TGIF2: variants seen among roughly 807,000 people sequenced by gnomAD.
TGIF2 encodes homeobox protein TGIF2.
In TGIF2, 5 loss-of-function variants were observed where a neutral mutation model predicts 15.1. That is an observed-to-expected ratio of 0.33 (90% CI 0.17 to 0.70). The LOEUF (loss-of-function observed/expected upper bound fraction) is 0.70, where lower values mean the gene tolerates loss of function less well. Among genes scored for constraint, TGIF2 ranks in the 30% least tolerant of loss-of-function variants. The probability of loss-of-function intolerance (pLI) is 0.67; values close to 1 mark genes in which losing one functional copy is unlikely to be tolerated. For missense variants in TGIF2, 264 were observed against 302.5 expected, an observed-to-expected ratio of 0.87 and a Z score of 0.94; for synonymous variants, 131 against 128.9, an observed-to-expected ratio of 1.02 and a Z score of -0.11.
At chr20:36,578,678 TGGAGACTA>T in intron 1 of TGIF2, 55 bp from the exon 2 acceptor site, 2 of 1,485,966 alleles carry the variant, frequency 1.3e-6, no homozygotes, top group Non-Finnish European at 1.8e-6. Context: ...TGAGCATGTT[TGGAGACTA>T]GGAAAAGGCG....
intron 2 of TGIF2, among the ~76,000 whole-genome samples, chr20:36,589,167 A>T (rs1179727195): frequency 1.3e-5 from 2 of 152,022 alleles, no homozygotes; most frequent in African/African-American, 4.8e-5. Context: ...TGCCCCCTTT[A>T]TTCTTGTTTC....
rs1034627259 is a variant in TGIF2 at position 36,593,765 on chromosome 20, TG to T, written c.*2336del. ...GTGAGGGAGCCATGCTGCTGAATTC[TG>T]GTTGGCATTTCCCCATTATGTAAAA... is the stretch of plus-strand genomic sequence containing the variant. On this transcript the variant is annotated 3_prime_UTR_variant, in exon 3 of 3. Transcript: ENST00000373872. The T allele has an allele frequency of 6.5e-6, 1 of 152,682 alleles. No individual in the cohort carries two copies. Among genetic ancestry groups the T allele is most frequent in the African/African-American group, 2.4e-5 (1 of 41,452 alleles). The allele number at this position is 152,682 out of a possible 1,614,324, so 9.5% of individuals were successfully genotyped here.
chr20:36,577,464 G>A (rs6028198), intron 1 of TGIF2, among the ~76,000 whole-genome samples: 37 of 151,660 alleles, frequency 2.4e-4, no homozygotes, highest in African/African-American at 7.5e-4. Context: ...ACCCACCTCG[G>A]CCTCCCAAAG....
chr20:36,579,807 A>G (rs979093117), intron 2 of TGIF2, among the ~76,000 whole-genome samples: 5 of 152,192 alleles, frequency 3.3e-5, no homozygotes, highest in African/African-American at 1.2e-4. Context: ...GTTGTGACGA[A>G]TAGATTCAGA....
intron 1 of TGIF2, among the ~76,000 whole-genome samples, chr20:36,576,950 C>T (rs935374458): frequency 6.6e-6 from 1 of 152,206 alleles, no homozygotes; most frequent in Non-Finnish European, 1.5e-5. Flanking sequence ...AGCGATCCAC[C>T]TGCCTTGGCC....
At position 36,592,982 on chromosome 20, in the gene TGIF2, C is replaced by T. The variant is rs927599928; in HGVS notation, c.*1551C>T. The T allele has an allele frequency of 1.3e-5, 2 of 152,472 alleles. No individual in the cohort carries two copies. Among genetic ancestry groups the T allele is most frequent in the South Asian group, 4.2e-4 (2 of 4,818 alleles). 9.4% of individuals were successfully genotyped at this position (152,472 alleles called of 1,614,324 possible). A position where few individuals can be genotyped will look rare whatever the true frequency, so the allele number is the denominator to read the frequency against. ...TATAGGCACCCGCCACCATGTCTGG[C>T]TTTTAGTAGAGACGGGGTTTCACCA... On this transcript the variant is annotated 3_prime_UTR_variant, in exon 3 of 3. Transcript: ENST00000373872.
At chr20:36,590,837 G>C (rs961350043) in intron 2 of TGIF2, 73 bp from the exon 3 acceptor site, 49 of 1,464,330 alleles carry the variant, frequency 3.3e-5, no homozygotes, top group Non-Finnish European at 4.3e-5. Flanking sequence ...GGGATTACAG[G>C]TGTGAGCCAC....
At chr20:36,587,874 G>A (rs1291067590) in intron 2 of TGIF2, among the ~76,000 whole-genome samples, 1 of 151,988 alleles carries the variant, frequency 6.6e-6, no homozygotes, top group Non-Finnish European at 1.5e-5. Flanking sequence ...ACACCAGCCT[G>A]GCCAACATGG....
In TGIF2 at chr20:36,593,409, G is replaced by A. The variant is rs901009051; in HGVS notation, c.*1978G>A. ...GCTGTGGGAGTGTGAACGGATCGCT[G>A]AAGGAGAGGGAGCTTTGCTCTCTCT... On this transcript the variant is annotated 3_prime_UTR_variant, in exon 3 of 3. Coordinates refer to ENST00000373872, the MANE Select transcript of TGIF2 (RefSeq NM_021809.7). 3 of 152,152 alleles carry A rather than the reference G, an allele frequency of 2.0e-5. No individual in the cohort carries two copies. Among genetic ancestry groups the A allele is most frequent in the Non-Finnish European group, 4.4e-5 (3 of 68,066 alleles). 9.4% of individuals were successfully genotyped at this position (152,152 alleles called of 1,614,324 possible). A position where few individuals can be genotyped will look rare whatever the true frequency, so the allele number is the denominator to read the frequency against.
At position 36,578,917 on chromosome 20, in the gene TGIF2, A is replaced by G. The variant is rs1459509579; in HGVS notation, c.143A>G (p.Glu48Gly). Residue 48 changes from glutamate to glycine, a missense_variant, in exon 2 of 3, where the codon GAG becomes GGG. Physicochemically the swap from Glu to Gly is moderately conservative, Grantham distance 98. Transcript: ENST00000373872. ...YLHRYNAYPSEQEKLSLSGQT... is the reference protein window; with the variant it reads ...YLHRYNAYPSGQEKLSLSGQT... ...CACCGCTACAACGCCTACCCCTCAG[A>G]GCAGGAGAAGCTGAGCCTTTCTGGA... 6.2e-7 allele frequency: 1 copy of G among 1,614,146 alleles called. No homozygotes were observed.
At chr20:36,575,162 C>T (rs1424660286) in intron 1 of TGIF2, among the ~76,000 whole-genome samples, 1 of 151,852 alleles carries the variant, frequency 6.6e-6, no homozygotes, top group East Asian at 1.9e-4. Flanking sequence ...TGTGCGTGTG[C>T]GTGCTGTATG....
chr20:36,579,271 G>C (rs8125286), intron 2 of TGIF2, among the ~76,000 whole-genome samples: 1 of 152,046 alleles, frequency 6.6e-6, no homozygotes, highest in Non-Finnish European at 1.5e-5. Flanking sequence ...TCCCGGGTTC[G>C]AGTGATTCTC....
At chr20:36,576,383 A>T (rs2038429695) in intron 1 of TGIF2, among the ~76,000 whole-genome samples, 1 of 152,100 alleles carries the variant, frequency 6.6e-6, no homozygotes, top group African/African-American at 2.4e-5. Context: ...TAGAGAGATG[A>T]CTCACCTCTC....
intron 2 of TGIF2, 68 bp downstream of exon 2, chr20:36,579,034 A>G: frequency 6.5e-7 from 1 of 1,549,562 alleles, no homozygotes; most frequent in South Asian, 1.2e-5. Flanking sequence ...CAGCTGTGTC[A>G]CTGAGTCACT....
In TGIF2 at chr20:36,591,777, G is replaced by A; in HGVS notation, c.*346G>A. ...GGGCTCAGGAAAGCTGCCAAATTCA[G>A]TCCTATGTTGGGTCCAAGCTGCCCC... On this transcript the variant is annotated 3_prime_UTR_variant, in exon 3 of 3. Coordinates refer to ENST00000373872, the MANE Select transcript of TGIF2 (RefSeq NM_021809.7). This position sits in a 1 kb window ranked among gnomAD's most constrained non-coding sequence, Gnocchi z 5.3. 1 of 207,776 alleles carries A rather than the reference G, an allele frequency of 4.8e-6. No individual in the cohort carries two copies. The highest frequency in any genetic ancestry group is 9.8e-6 in the Non-Finnish European group (1 of 102,084). The allele number at this position is 207,776 out of a possible 1,614,324, so 12.9% of individuals were successfully genotyped here.
chr20:36,582,055 G>A lies in TGIF2; in HGVS notation c.192+3089G>A, dbSNP rs2038557350. ...GTTCAAGACCAGCCTGACCAACATG[G>A]TGAAACCCCATCTCTCCTAAAAATA... On this transcript the variant is annotated intron_variant, in intron 2 of 2. Transcript: ENST00000373872. 2.6e-5 allele frequency among the ~76,000 whole-genome samples: 4 copies of A among 152,100 alleles called. No individual in the cohort carries two copies. In the South Asian group the frequency reaches 8.3e-4, roughly 31 times the overall value.
At chr20:36,576,996 C>A (rs948021260) in intron 1 of TGIF2, among the ~76,000 whole-genome samples, 1 of 151,752 alleles carries the variant, frequency 6.6e-6, no homozygotes, top group African/African-American at 2.4e-5. Context: ...TGAGCCACAG[C>A]ACGTGGCATT....
intron 2 of TGIF2, among the ~76,000 whole-genome samples, chr20:36,590,318 C>A (rs1179807547): frequency 6.6e-6 from 1 of 151,970 alleles, no homozygotes; most frequent in Admixed American, 6.6e-5. Context: ...CAGTAGGAGA[C>A]AAATGGCAGT....
At chr20:36,579,030 T>C in intron 2 of TGIF2, 64 bp downstream of exon 2, 1 of 1,556,918 alleles carries the variant, frequency 6.4e-7, no homozygotes. Context: ...ATTCCAGCTG[T>C]GTCACTGAGT....
Sources: gnomAD v4.1 joint callset for allele counts (sites outside exome capture counted in the v4.1 genomes callset) on GRCh38, gnomAD v4.1.1 for gene constraint, Gnocchi (gnomAD v3.1) non-coding constraint, MANE v1.5 for transcripts, NCBI Gene and HGNC (gene_info 2026-07-23, HGNC 2026-07-21) for gene names.